Variants in R3HCC1 observed in about 807,000 individuals in gnomAD.
R3HCC1 encodes the protein R3H domain and coiled-coil containing 1, also known as R3H and coiled-coil domain-containing protein 1.
Under a neutral mutation model 40.0 loss-of-function variants are expected in R3HCC1, and 32 were observed. That is an observed-to-expected ratio of 0.80 (90% CI 0.60 to 1.07). The LOEUF is 1.07. R3HCC1 is among the 50% of genes least tolerant of loss of function. The pLI, the probability that R3HCC1 is intolerant of heterozygous loss-of-function variation, is 0.00. For synonymous variants in R3HCC1, 237 were observed against 232.8 expected (o/e 1.02, Z -0.17); for missense variants, 586 against 563.3 (o/e 1.04, Z -0.41).
rs774255960 is a variant in R3HCC1, at chr8:23,290,424, C to T, written c.807C>T (p.Gly269=). Residue 269 remains glycine, a synonymous_variant, in exon 4 of 8, where the codon GGC becomes GGT. Coordinates refer to ENST00000265806, the MANE Select transcript of R3HCC1 (RefSeq NM_001136108.3). ...ACGAAGAGGAGGTGGAAGAGGATGG[C>T]CCCAGCAGCTGCTCGGAGGACGATT... 5 of 1,551,364 alleles carry T rather than the reference C, an allele frequency of 3.2e-6. No individual in the cohort carries two copies. The highest frequency in any genetic ancestry group is 4.9e-5 in the East Asian group (2 of 40,916).
intron 7 of R3HCC1, 135 bp downstream of exon 7, chr8:23,294,999 C>T (rs1802967214): frequency 1.4e-6 from 1 of 718,792 alleles, no homozygotes; most frequent in Non-Finnish European, 2.4e-6. Flanking sequence ...CTTGACTTCT[C>T]TGCTCTTAGG....
rs1802826222 is a variant in R3HCC1 at position 23,290,000 on chromosome 8, A to G, written c.383A>G (p.Tyr128Cys). The G allele has an allele frequency of 6.5e-7, 1 of 1,537,584 alleles. No homozygotes were observed. Reference sequence around the variant, plus strand: ...CGAGGTGCCCGGGCTGGCCGGTGGTATCGTGGACGCAAGCCTGACCAGCCT... The same window carrying G: ...CGAGGTGCCCGGGCTGGCCGGTGGTGTCGTGGACGCAAGCCTGACCAGCCT... Residue 128 changes from tyrosine to cysteine, a missense_variant, in exon 4 of 8, where the codon TAT (tyrosine) becomes TGT (cysteine). By Grantham distance (194) the Tyr-to-Cys change is radical (BLOSUM62 -2). Coordinates refer to ENST00000265806, the MANE Select transcript of R3HCC1 (RefSeq NM_001136108.3).
intron 6 of R3HCC1, 52 bp from the exon 7 acceptor site, chr8:23,294,717 C>A: frequency 7.2e-7 from 1 of 1,396,928 alleles, no homozygotes; most frequent in Non-Finnish European, 9.9e-7. Flanking sequence ...GTGGGTGTGC[C>A]GCGGGGTCCT....
chr8:23,296,179 G>A lies in R3HCC1; in HGVS notation c.*82G>A, dbSNP rs987962973. 107 of 1,456,318 alleles carry A rather than the reference G, an allele frequency of 7.3e-5. 1 individual carries two copies. In the South Asian group the frequency reaches 8.8e-4, roughly 12 times the overall value. The allele number at this position is 1,456,318 out of a possible 1,614,324, so 90.2% of individuals were successfully genotyped here. A position where few individuals can be genotyped will look rare whatever the true frequency, so the allele number is the denominator to read the frequency against. ...ACCATAAGCCTTCACAGACGCCAGA[G>A]CAGCCCCGCACCACCCTCGAGCTTC... On this transcript the variant is annotated 3_prime_UTR_variant, in exon 8 of 8. Transcript: ENST00000265806.
chr8:23,296,165 T>C lies in R3HCC1; in HGVS notation c.*68T>C. Reference sequence around the variant, plus strand: ...CTGGCGCCCCCAACACCATAAGCCTTCACAGACGCCAGAGCAGCCCCGCAC... The same window carrying C: ...CTGGCGCCCCCAACACCATAAGCCTCCACAGACGCCAGAGCAGCCCCGCAC... On this transcript the variant is annotated 3_prime_UTR_variant, in exon 8 of 8. Transcript: ENST00000265806. 6.7e-7 allele frequency: 1 copy of C among 1,492,988 alleles called. No homozygotes were observed. Among genetic ancestry groups the C allele is most frequent in the Non-Finnish European group, 9.0e-7 (1 of 1,117,240 alleles). 92.5% of individuals were successfully genotyped at this position (1,492,988 alleles called of 1,614,324 possible). A position where few individuals can be genotyped will look rare whatever the true frequency, so the allele number is the denominator to read the frequency against.
In R3HCC1 at chr8:23,292,539, G is replaced by A. The variant is rs1383926539; in HGVS notation, c.1026-764G>A. Among the ~76,000 whole-genome samples the A allele has an allele frequency of 5.9e-5, 9 of 152,204 alleles. No individual in the cohort carries two copies. In the East Asian group the frequency reaches 7.7e-4, roughly 13 times the overall value. On this transcript the variant is annotated intron_variant, in intron 5 of 7. Transcript: ENST00000265806. Reference sequence around the variant, plus strand: ...TGAGGCAGGAGAATGGTGTGAACCCGGGAGGTGGAGCTTGTAGTGAGCCGA... The same window carrying A: ...TGAGGCAGGAGAATGGTGTGAACCCAGGAGGTGGAGCTTGTAGTGAGCCGA...
intron 6 of R3HCC1, 111 bp from the exon 7 acceptor site, chr8:23,294,658 G>A (rs1281077737): frequency 3.7e-6 from 3 of 820,542 alleles, no homozygotes; most frequent in Non-Finnish European, 6.0e-6. Flanking sequence ...GAGCAGCCCT[G>A]CCCTGAGCTT....
At position 23,288,141 on chromosome 8, in the gene R3HCC1, C is replaced by T. The variant is rs755440066; in HGVS notation, c.-35C>T. ...CTGGGGACGCCGAGGGCGGCTGCGACGCGCCGAGAGGCCGCGGTGAGTGCA... is the reference window on the plus strand; with the variant it reads ...CTGGGGACGCCGAGGGCGGCTGCGATGCGCCGAGAGGCCGCGGTGAGTGCA... On this transcript the variant is annotated 5_prime_UTR_variant, in exon 1 of 8. It adds an upstream start codon to the 5' untranslated region. Coordinates refer to ENST00000265806, the MANE Select transcript of R3HCC1 (RefSeq NM_001136108.3). 2.5e-5 allele frequency: 31 copies of T among 1,250,052 alleles called. No individual in the cohort carries two copies. The highest frequency in any genetic ancestry group is 3.0e-5 in the Non-Finnish European group (29 of 972,560). 77.4% of individuals were successfully genotyped at this position (1,250,052 alleles called of 1,614,324 possible). A position where few individuals can be genotyped will look rare whatever the true frequency, so the allele number is the denominator to read the frequency against.
Position 23,289,850 on chromosome 8 carries a change from C to T in R3HCC1, c.249-16C>T. Reference sequence around the variant, plus strand: ...CCCCTACACACTCTGATTACCTCCTCCCATTCCTGCTCCAGGGTACCCAGT... The same window carrying T: ...CCCCTACACACTCTGATTACCTCCTTCCATTCCTGCTCCAGGGTACCCAGT... On this transcript the variant is annotated splice_polypyrimidine_tract_variant and intron_variant, in intron 3 of 7. Transcript: ENST00000265806. 6.7e-7 allele frequency: 1 copy of T among 1,488,622 alleles called. No homozygotes were observed. 92.2% of individuals were successfully genotyped at this position (1,488,622 alleles called of 1,614,324 possible).
Position 23,294,790 on chromosome 8 carries a change from A to C in R3HCC1, c.1118A>C (p.Glu373Ala). Residue 373 changes from glutamate (E) to alanine (A), a missense_variant, in exon 7 of 8, where the codon GAG becomes GCG. By Grantham distance (107) the Glu-to-Ala change is moderately radical. Transcript: ENST00000265806. ...ACAGCTGCGGAAGCCCTGACCCGGGAGTTCTCGGTGCTCAAGATCCGGCCC... is the reference window on the plus strand; with the variant it reads ...ACAGCTGCGGAAGCCCTGACCCGGGCGTTCTCGGTGCTCAAGATCCGGCCC... 1 of 1,551,170 alleles carries C rather than the reference A, an allele frequency of 6.4e-7. No homozygotes were observed. The highest frequency in any genetic ancestry group is 8.7e-7 in the Non-Finnish European group (1 of 1,146,900).
chr8:23,291,788 C>A (rs560643826), intron 5 of R3HCC1, among the ~76,000 whole-genome samples: 1 of 152,356 alleles, frequency 6.6e-6, no homozygotes, highest in South Asian at 2.1e-4. Flanking sequence ...CATGGCCACA[C>A]GCCTGCCAGG....
chr8:23,296,177 G>C lies in R3HCC1; in HGVS notation c.*80G>C. On this transcript the variant is annotated 3_prime_UTR_variant, in exon 8 of 8. Transcript: ENST00000265806. Reference sequence around the variant, plus strand: ...ACACCATAAGCCTTCACAGACGCCAGAGCAGCCCCGCACCACCCTCGAGCT... The same window carrying C: ...ACACCATAAGCCTTCACAGACGCCACAGCAGCCCCGCACCACCCTCGAGCT... 2 of 1,463,114 alleles carry C rather than the reference G, an allele frequency of 1.4e-6. No individual in the cohort carries two copies. Among genetic ancestry groups the C allele is most frequent in the Non-Finnish European group, 1.8e-6 (2 of 1,099,198 alleles). The allele number at this position is 1,463,114 out of a possible 1,614,324, so 90.6% of individuals were successfully genotyped here.
intron 4 of R3HCC1, chr8:23,291,144 C>G: frequency 2.1e-6 from 1 of 481,826 alleles, no homozygotes; most frequent in Non-Finnish European, 3.7e-6. Context: ...TGTGTAATTG[C>G]CAGTCACTTA....
chr8:23,291,518 C>G lies in R3HCC1; in HGVS notation c.1010C>G (p.Thr337Arg). 6.4e-7 allele frequency: 1 copy of G among 1,550,984 alleles called. No individual in the cohort carries two copies. The highest frequency in any genetic ancestry group is 8.7e-7 in the Non-Finnish European group (1 of 1,146,930). The change falls in exon 5 of 8, where the codon ACG becomes AGG. Residue 337 changes from threonine (T) to arginine (R), a missense_variant. Coordinates refer to ENST00000265806, the MANE Select transcript of R3HCC1 (RefSeq NM_001136108.3). ...CTCAAGACGGAGGACCTGCTGGCAA[C>G]GTTTTCTGAGTTCCAGTGAGTGGTG...
chr8:23,294,778 C>G lies in R3HCC1; in HGVS notation c.1106C>G (p.Ala369Gly). The G allele has an allele frequency of 6.4e-7, 1 of 1,551,160 alleles. No individual in the cohort carries two copies. Among genetic ancestry groups the G allele is most frequent in the South Asian group, 1.2e-5 (1 of 84,048 alleles). Residue 369 changes from alanine to glycine, a missense_variant, in exon 7 of 8, where the codon GCC becomes GGC. Physicochemically the swap from Ala to Gly is moderately conservative, Grantham distance 60. Transcript: ENST00000265806. ...TGCTTTCTTTCCACAGCTGCGGAAG[C>G]CCTGACCCGGGAGTTCTCGGTGCTC...
At chr8:23,295,478 T>C (rs1802986708) in intron 7 of R3HCC1, 1 of 457,622 alleles carries the variant, frequency 2.2e-6, no homozygotes, top group Non-Finnish European at 4.4e-6. Flanking sequence ...TGAGAGATTT[T>C]AGACACGAGT....
At chr8:23,294,945 G>C (rs1259232492) in intron 7 of R3HCC1, 81 bp downstream of exon 7, 1 of 1,066,584 alleles carries the variant, frequency 9.4e-7, no homozygotes, top group African/African-American at 1.6e-5. Flanking sequence ...GCGTGTGTGT[G>C]TGTCTGGTTT....
intron 3 of R3HCC1, 101 bp from the exon 4 acceptor site, chr8:23,289,765 T>C (rs538986470): frequency 8.7e-5 from 124 of 1,419,836 alleles, no homozygotes; most frequent in Non-Finnish European, 1.1e-4. Flanking sequence ...TTTTGCCTAA[T>C]GCTGACCCGA....
chr8:23,289,834 A>G lies in R3HCC1; in HGVS notation c.249-32A>G, dbSNP rs1248468901. 4.1e-6 allele frequency: 6 copies of G among 1,468,896 alleles called. No homozygotes were observed. In the African/African-American group the frequency reaches 7.1e-5, roughly 17 times the overall value. The allele number at this position is 1,468,896 out of a possible 1,614,324, so 91.0% of individuals were successfully genotyped here. On this transcript the variant is annotated intron_variant, in intron 3 of 7. Coordinates refer to ENST00000265806, the MANE Select transcript of R3HCC1 (RefSeq NM_001136108.3). Reference sequence around the variant, plus strand: ...ATCATTTTCCTTTGGGCCCCTACACACTCTGATTACCTCCTCCCATTCCTG... The same window carrying G: ...ATCATTTTCCTTTGGGCCCCTACACGCTCTGATTACCTCCTCCCATTCCTG...
Sources: allele counts gnomAD v4.1 joint callset (sites outside exome capture counted in the v4.1 genomes callset), GRCh38; gene constraint gnomAD v4.1.1; transcripts MANE v1.5; gene names NCBI Gene and HGNC (gene_info 2026-07-23, HGNC 2026-07-21).